The following ZNF892 variants were observed in gnomAD, a reference collection of about 807,000 sequenced individuals.
The protein encoded by ZNF892 is zinc finger protein 892.
the ZNF892 span, among the ~76,000 whole-genome samples, chr2:95,211,168 A>G: frequency 6.6e-6 from 1 of 152,198 alleles, no homozygotes; most frequent in African/African-American, 2.4e-5. Context: ...TTTAATATAT[A>G]TGGGACTGAT....
the ZNF892 span, among the ~76,000 whole-genome samples, chr2:95,218,621 A>G: frequency 6.6e-6 from 1 of 152,316 alleles, no homozygotes; most frequent in African/African-American, 2.4e-5. Flanking sequence ...TTACAGCAGC[A>G]TCCCCCTTCT....
At chr2:95,231,565 G>A in the ZNF892 span, among the ~76,000 whole-genome samples, 3 of 152,174 alleles carry the variant, frequency 2.0e-5, no homozygotes, top group African/African-American at 7.2e-5. Context: ...GAGAGTGTGT[G>A]TATAAATTAT....
At chr2:95,226,773 C>A in the ZNF892 span, among the ~76,000 whole-genome samples, 7 of 152,190 alleles carry the variant, frequency 4.6e-5, no homozygotes, top group African/African-American at 1.7e-4. Flanking sequence ...CTTAGGCCCA[C>A]GTGTCCCTGT....
chr2:95,237,793 A>G, the ZNF892 span, among the ~76,000 whole-genome samples: 2 of 152,266 alleles, frequency 1.3e-5, no homozygotes, highest in East Asian at 1.9e-4. Context: ...TAACAAAGCA[A>G]CACAGCCTTA....
the ZNF892 span, among the ~76,000 whole-genome samples, chr2:95,209,159 A>G: frequency 6.6e-6 from 1 of 152,028 alleles, no homozygotes; most frequent in Non-Finnish European, 1.5e-5. Flanking sequence ...TGTTTGGGAG[A>G]AGTGTGGGAT....
the ZNF892 span, among the ~76,000 whole-genome samples, chr2:95,228,684 A>G: frequency 6.6e-6 from 1 of 152,306 alleles, no homozygotes; most frequent in South Asian, 2.1e-4. Context: ...TGGTGTTTTT[A>G]TAATTCTGTT....
chr2:95,235,475 C>T, the ZNF892 span, among the ~76,000 whole-genome samples: 1 of 151,956 alleles, frequency 6.6e-6, no homozygotes, highest in African/African-American at 2.4e-5. Context: ...CATTCTCCTG[C>T]CTCAGCCTCC....
the ZNF892 span, among the ~76,000 whole-genome samples, chr2:95,250,860 TAAA>T: frequency 6.8e-6 from 1 of 146,890 alleles, no homozygotes; most frequent in Non-Finnish European, 1.5e-5. Context: ...AATAAATGCT[TAAA>T]TAATAAATAA....
At chr2:95,235,154 A>G in the ZNF892 span, among the ~76,000 whole-genome samples, 7 of 152,212 alleles carry the variant, frequency 4.6e-5, no homozygotes, top group African/African-American at 1.7e-4. Flanking sequence ...AGGAAAAAGC[A>G]AACTGAGTGT....
chr2:95,222,136 G>T, the ZNF892 span, among the ~76,000 whole-genome samples: 1 of 151,934 alleles, frequency 6.6e-6, no homozygotes, highest in Non-Finnish European at 1.5e-5. Context: ...TCCCCACCCC[G>T]CATTGAGTAT....
At chr2:95,254,546 T>C in the ZNF892 span, among the ~76,000 whole-genome samples, 10 of 152,228 alleles carry the variant, frequency 6.6e-5, no homozygotes, top group Non-Finnish European at 1.5e-4. Context: ...AATTCTCTTT[T>C]TTTGTTGTGT....
the ZNF892 span, among the ~76,000 whole-genome samples, chr2:95,216,788 A>C: frequency 6.6e-6 from 1 of 152,048 alleles, no homozygotes; most frequent in African/African-American, 2.4e-5. Flanking sequence ...TCTTTTGCCA[A>C]ATTTGGGAGA....
the ZNF892 span, among the ~76,000 whole-genome samples, chr2:95,221,694 C>CT: frequency 6.6e-6 from 1 of 151,516 alleles, no homozygotes; most frequent in African/African-American, 2.4e-5. Flanking sequence ...TTTTTCTTTC[C>CT]TGATATTGCT....
At chr2:95,222,731 T>C in the ZNF892 span, among the ~76,000 whole-genome samples, 3 of 152,220 alleles carry the variant, frequency 2.0e-5, no homozygotes, top group South Asian at 2.1e-4. Context: ...TTTTATTCAA[T>C]TTTTATTTCA....
At chr2:95,258,912 T>G in the ZNF892 span, among the ~76,000 whole-genome samples, 3 of 152,108 alleles carry the variant, frequency 2.0e-5, no homozygotes, top group Non-Finnish European at 4.4e-5. Context: ...TTTATGTAAG[T>G]TTTACATAAC....
chr2:95,214,009 T>A, the ZNF892 span, among the ~76,000 whole-genome samples: 10 of 152,266 alleles, frequency 6.6e-5, no homozygotes, highest in Admixed American at 1.3e-4. Flanking sequence ...GATCCTTTTT[T>A]AAAAAAATCT....
chr2:95,230,316 T>C, the ZNF892 span, among the ~76,000 whole-genome samples: 1 of 152,186 alleles, frequency 6.6e-6, no homozygotes, highest in Admixed American at 6.5e-5. Context: ...AAATTACCAC[T>C]AAGGTACTTA....
At chr2:95,237,259 T>TGA in the ZNF892 span, among the ~76,000 whole-genome samples, 2 of 151,928 alleles carry the variant, frequency 1.3e-5, no homozygotes, top group Non-Finnish European at 2.9e-5. Flanking sequence ...GTGATTCTCC[T>TGA]GCCTCAGTCT....
chr2:95,258,340 A>C, the ZNF892 span, among the ~76,000 whole-genome samples: 5 of 152,254 alleles, frequency 3.3e-5, no homozygotes, highest in East Asian at 9.7e-4. Flanking sequence ...TCCAGTCCCC[A>C]CTGCCTGGAG....
Sources: gnomAD v4.1 joint callset for allele counts (sites outside exome capture counted in the v4.1 genomes callset) on GRCh38, gnomAD v4.1.1 for gene constraint, MANE v1.5 for transcripts, NCBI Gene and HGNC (gene_info 2026-07-23, HGNC 2026-07-21) for gene names.